The following AMMECR1 variants were observed in gnomAD, a reference collection of about 807,000 sequenced individuals.
AMMECR1 encodes nuclear protein AMMECR1.
AMMECR1 carries 3 observed loss-of-function variants against 22.5 expected under a neutral mutation model. That is an observed-to-expected ratio of 0.13 (90% CI 0.06 to 0.35). The LOEUF is 0.35. Ranked by LOEUF, AMMECR1 falls within the 10% of genes least tolerant of loss-of-function variation. The pLI is 1.00. For missense variants in AMMECR1, 235 were observed against 278.7 expected (o/e 0.84, Z 1.12); for synonymous variants, 130 against 116.7 (o/e 1.11, Z -0.74).
chrX:110,434,959 T>A (rs1472027224), intron 1 of AMMECR1, among the ~76,000 whole-genome samples: 2 of 108,188 alleles, frequency 1.8e-5, no homozygotes, highest in Admixed American at 9.8e-5. Flanking sequence ...CCCAGAAACA[T>A]CATCCCTTTC....
intron 1 of AMMECR1, among the ~76,000 whole-genome samples, chrX:110,307,576 G>A (rs1219728012): frequency 1.8e-5 from 2 of 111,292 alleles, no homozygotes; most frequent in Non-Finnish European, 3.8e-5. Context: ...TAAATATACA[G>A]GCCTAAAAAG....
intron 2 of AMMECR1, among the ~76,000 whole-genome samples, chrX:110,391,047 C>G (rs2068490708): frequency 8.9e-6 from 1 of 111,833 alleles, no homozygotes; most frequent in South Asian, 3.8e-4. Context: ...AGCTCTTTCT[C>G]TTTGCCTGTT....
chrX:110,438,875 A>T (rs186041210), intron 1 of AMMECR1, among the ~76,000 whole-genome samples: 1 of 112,257 alleles, frequency 8.9e-6, no homozygotes, highest in East Asian at 2.8e-4. Flanking sequence ...CTGTGGAAAT[A>T]AAAGGGCAAA....
intron 2 of AMMECR1, among the ~76,000 whole-genome samples, chrX:110,426,310 C>T (rs2068753863): frequency 9.0e-6 from 1 of 111,648 alleles, no homozygotes; most frequent in Non-Finnish European, 1.9e-5. Context: ...TCTTGTCGAA[C>T]CCTCCCACGA....
At position 110,270,410 on chromosome X, in the gene AMMECR1, A is replaced by C. The variant is rs1230652750; in HGVS notation, c.474-5811T>G. ...TCCAGGCAGACAGTGCAGAATCACC[A>C]AACTGGTTAGTGTTAGAACCTGGCA... On this transcript the variant is annotated intron_variant, in intron 1 of 5. Transcript: ENST00000262844. Among the ~76,000 whole-genome samples the C allele has an allele frequency of 5.4e-5, 6 of 111,946 alleles. No individual in the cohort carries two copies. The Admixed American group carries it at 5.7e-4, about 11-fold the overall frequency.
intron 1 of AMMECR1, among the ~76,000 whole-genome samples, chrX:110,296,923 T>C (rs1327419265): frequency 9.0e-6 from 1 of 111,414 alleles, no homozygotes; most frequent in East Asian, 2.8e-4. Flanking sequence ...CATAGTTTAC[T>C]GTTGGTTTTA....
chrX:110,330,617 T>G (rs60383787), intron 2 of AMMECR1, among the ~76,000 whole-genome samples: 2,313 of 112,228 alleles, frequency 0.021, 59 homozygotes, highest in African/African-American at 0.071. Context: ...GTAACTCATT[T>G]TTATTATATT....
intron 2 of AMMECR1, among the ~76,000 whole-genome samples, chrX:110,414,502 T>C (rs1052433447): frequency 8.8e-6 from 1 of 113,049 alleles, no homozygotes; most frequent in Admixed American, 9.3e-5. Context: ...CAGTGTTTCA[T>C]TTAATCCTGC....
intron 2 of AMMECR1, among the ~76,000 whole-genome samples, chrX:110,247,520 G>A (rs896040015): frequency 2.0e-4 from 22 of 111,641 alleles, no homozygotes; most frequent in African/African-American, 6.2e-4. Flanking sequence ...GTGAAACCCC[G>A]TCTCTACAAA....
intron 1 of AMMECR1, among the ~76,000 whole-genome samples, chrX:110,290,519 C>T (rs1303930339): frequency 8.9e-6 from 1 of 111,781 alleles, no homozygotes; most frequent in Non-Finnish European, 1.9e-5. Context: ...TTAAAAAGTA[C>T]ATTTCCATTC....
intron 2 of AMMECR1, among the ~76,000 whole-genome samples, chrX:110,337,017 T>G (rs760310484): frequency 8.1e-5 from 9 of 111,501 alleles, no homozygotes; most frequent in African/African-American, 2.6e-4. Context: ...GAAATTATTT[T>G]AGAGCCTGTA....
chrX:110,236,194 A>G (rs756246457), intron 2 of AMMECR1, among the ~76,000 whole-genome samples: 2 of 112,103 alleles, frequency 1.8e-5, no homozygotes, highest in Non-Finnish European at 3.8e-5. Context: ...ACAAATATGT[A>G]TTGAGTGCCT....
intron 2 of AMMECR1, among the ~76,000 whole-genome samples, chrX:110,232,648 T>C (rs761893879): frequency 1.8e-5 from 2 of 110,025 alleles, no homozygotes; most frequent in South Asian, 7.9e-4. Flanking sequence ...CCCAGCACTT[T>C]GGGAGGCCAA....
intron 2 of AMMECR1, among the ~76,000 whole-genome samples, chrX:110,247,150 T>G (rs1309377230): frequency 8.9e-6 from 1 of 112,566 alleles, no homozygotes; most frequent in Admixed American, 9.4e-5. Context: ...CATTTTGCCA[T>G]GATCAGGTAT....
chrX:110,393,403 A>C (rs1485945325), intron 2 of AMMECR1, among the ~76,000 whole-genome samples: 2 of 112,059 alleles, frequency 1.8e-5, no homozygotes, highest in Admixed American at 9.5e-5. Context: ...TGATCCTCAC[A>C]ACAGCCCTAC....
chrX:110,341,678 C>T (rs1381373532), intron 2 of AMMECR1, among the ~76,000 whole-genome samples: 4 of 112,053 alleles, frequency 3.6e-5, no homozygotes, highest in Non-Finnish European at 5.6e-5. Flanking sequence ...GTTCAAGTAA[C>T]TCTTATTTTA....
Position 110,318,080 on chromosome X carries a change from A to G in AMMECR1, c.-9T>C. On this transcript the variant is annotated 5_prime_UTR_variant, in exon 1 of 6. Coordinates refer to ENST00000262844, the MANE Select transcript of AMMECR1 (RefSeq NM_015365.3). ...CAGCAACCCGCCGCCATCTTGGAAC[A>G]GTCTCCCCCACGCAGCGTTTCCGAC... is the stretch of plus-strand genomic sequence containing the variant. The G allele has an allele frequency of 1.7e-6, 2 of 1,182,495 alleles. No homozygotes were observed. The highest frequency in any genetic ancestry group is 3.8e-5 in the South Asian group (2 of 52,612).
chrX:110,251,351 G>C (rs1285101342), intron 2 of AMMECR1, among the ~76,000 whole-genome samples: 1 of 111,840 alleles, frequency 8.9e-6, no homozygotes, highest in African/African-American at 3.3e-5. Flanking sequence ...GAGTCTTGAA[G>C]GATAAGTAGG....
chrX:110,387,519 G>T (rs907389906), intron 2 of AMMECR1, among the ~76,000 whole-genome samples: 1 of 112,040 alleles, frequency 8.9e-6, no homozygotes, highest in African/African-American at 3.2e-5. Flanking sequence ...AGACTTCCTA[G>T]AATCATAGTT....
Sources: allele counts gnomAD v4.1 joint callset (sites outside exome capture counted in the v4.1 genomes callset), GRCh38; gene constraint gnomAD v4.1.1; transcripts MANE v1.5; gene names NCBI Gene and HGNC (gene_info 2026-07-23, HGNC 2026-07-21).